Variants in WDFY2 observed in about 807,000 individuals in gnomAD.
WDFY2 encodes the protein WD repeat and FYVE domain containing 2.
A neutral mutation model predicts 56.4 loss-of-function variants in WDFY2; 36 were observed. The ratio of observed to expected loss-of-function variants is 0.64; its 90% CI spans 0.49 to 0.84. The LOEUF (loss-of-function observed/expected upper bound fraction) is 0.84, where lower values mean the gene tolerates loss of function less well. WDFY2 is among the 40% of genes least tolerant of loss of function. The pLI, the probability that WDFY2 is intolerant of heterozygous loss-of-function variation, is 0.00. For synonymous variants in WDFY2, 176 were observed against 183.7 expected (o/e 0.96, Z 0.34); for missense variants, 444 against 512.2 (o/e 0.87, Z 1.29).
intron 1 of WDFY2, among the ~76,000 whole-genome samples, chr13:51,621,089 C>G (rs929865417): frequency 2.0e-5 from 3 of 152,238 alleles, no homozygotes; most frequent in Admixed American, 2.0e-4. Flanking sequence ...GGTAAACTTT[C>G]TGTCCTCTTC....
At chr13:51,719,381 G>A in intron 5 of WDFY2, 33 bp downstream of exon 5, 1 of 1,529,418 alleles carries the variant, frequency 6.5e-7, no homozygotes, top group Non-Finnish European at 8.8e-7. Flanking sequence ...CTCTTAGTGG[G>A]AACTTAACTG....
rs1206118614 is a variant in WDFY2 at position 51,765,447 on chromosome 13, A to AT, written c.*5685dup. On this transcript the variant is annotated 3_prime_UTR_variant, in exon 12 of 12. Transcript: ENST00000298125. ...TTCCTTGCATGTCCCATACCAGGGA[A>AT]TTTTTTTAACACACAGTGTAGAGCC... is the stretch of plus-strand genomic sequence containing the variant. 6.6e-6 allele frequency: 1 copy of AT among 152,162 alleles called. No individual in the cohort carries two copies. Among genetic ancestry groups the AT allele is most frequent in the Non-Finnish European group, 1.5e-5 (1 of 68,026 alleles). The allele number at this position is 152,162 out of a possible 1,614,324, so 9.4% of individuals were successfully genotyped here.
At chr13:51,613,771 C>T (rs998269482) in intron 1 of WDFY2, among the ~76,000 whole-genome samples, 3 of 152,036 alleles carry the variant, frequency 2.0e-5, no homozygotes, top group Non-Finnish European at 4.4e-5. Flanking sequence ...GGTAATTTAA[C>T]ACCAAGTTAG....
chr13:51,619,439 A>G (rs1044007343), intron 1 of WDFY2, among the ~76,000 whole-genome samples: 1 of 152,134 alleles, frequency 6.6e-6, no homozygotes, highest in Non-Finnish European at 1.5e-5. Context: ...TCTCCAAAAA[A>G]AAAAAAACAA....
chr13:51,590,960 G>A (rs1954032514), intron 1 of WDFY2: 3 of 152,122 alleles, frequency 2.0e-5, no homozygotes, highest in Admixed American at 1.3e-4. Flanking sequence ...CTCTTGGCAG[G>A]GAGTGCTACT....
Position 51,761,518 on chromosome 13 carries a change from C to CCCA in WDFY2, c.*1752_*1754dup, listed in dbSNP as rs1953581808. On this transcript the variant is annotated 3_prime_UTR_variant, in exon 12 of 12. Transcript: ENST00000298125. ...ATTGCTTGTCCTTCCCGACCCAAGC[C>CCCA]CCACCCCACAGTGTCTTGCTCTCTT... 6.6e-6 allele frequency: 1 copy of CCCA among 152,178 alleles called. No individual in the cohort carries two copies. Among genetic ancestry groups the CCCA allele is most frequent in the African/African-American group, 2.4e-5 (1 of 41,436 alleles). 9.4% of individuals were successfully genotyped at this position (152,178 alleles called of 1,614,324 possible). A position where few individuals can be genotyped will look rare whatever the true frequency, so the allele number is the denominator to read the frequency against.
At chr13:51,667,980 C>A (rs1033129489) in intron 2 of WDFY2, among the ~76,000 whole-genome samples, 3 of 143,334 alleles carry the variant, frequency 2.1e-5, no homozygotes, top group Non-Finnish European at 4.5e-5. Context: ...CAAGCTCTGC[C>A]TCCAGGGTTC....
At chr13:51,586,816 C>T (rs1193881707) in intron 1 of WDFY2, 3 of 152,032 alleles carry the variant, frequency 2.0e-5, no homozygotes, top group Non-Finnish European at 2.9e-5. Flanking sequence ...AAGGTTCACC[C>T]ATAAGTCTGG....
chr13:51,711,419 A>G (rs1206732092), intron 4 of WDFY2, among the ~76,000 whole-genome samples: 1 of 152,220 alleles, frequency 6.6e-6, no homozygotes, highest in Non-Finnish European at 1.5e-5. Flanking sequence ...CAATGGCAAC[A>G]AAAGCCAAAA....
chr13:51,713,540 G>T (rs1387610247), intron 4 of WDFY2, among the ~76,000 whole-genome samples: 2 of 152,176 alleles, frequency 1.3e-5, no homozygotes, highest in African/African-American at 4.8e-5. Flanking sequence ...ACATGCAAAT[G>T]AACCTTGAAG....
In WDFY2 at chr13:51,762,447, A is replaced by G. The variant is rs2138805360; in HGVS notation, c.*2678A>G. 1.3e-5 allele frequency: 2 copies of G among 152,358 alleles called. No homozygotes were observed. The highest frequency in any genetic ancestry group is 3.4e-3 in the Middle Eastern group (1 of 294). 9.4% of individuals were successfully genotyped at this position (152,358 alleles called of 1,614,324 possible). A position where few individuals can be genotyped will look rare whatever the true frequency, so the allele number is the denominator to read the frequency against. On this transcript the variant is annotated 3_prime_UTR_variant, in exon 12 of 12. Transcript: ENST00000298125. ...GAAAACCAGATATGTCAAGGTATCC[A>G]TTGCTCTTTCCTTTTCTCTCATCTG...
At chr13:51,723,929 T>C (rs909666808) in intron 5 of WDFY2, among the ~76,000 whole-genome samples, 2 of 152,196 alleles carry the variant, frequency 1.3e-5, no homozygotes, top group African/African-American at 4.8e-5. Flanking sequence ...CCTGCCTCAT[T>C]AGCTAGGGCT....
chr13:51,640,013 T>C (rs937228907), intron 1 of WDFY2, among the ~76,000 whole-genome samples: 1 of 152,254 alleles, frequency 6.6e-6, no homozygotes, highest in African/African-American at 2.4e-5. Context: ...TAGCCTCAGC[T>C]GTTCAAATCT....
intron 6 of WDFY2, among the ~76,000 whole-genome samples, chr13:51,730,134 C>T (rs1047220542): frequency 6.6e-6 from 1 of 152,338 alleles, no homozygotes; most frequent in South Asian, 2.1e-4. Context: ...CCTCAAGGTT[C>T]ATCCAAGTTG....
At chr13:51,696,652 C>T (rs926572538) in intron 3 of WDFY2, among the ~76,000 whole-genome samples, 20 of 152,092 alleles carry the variant, frequency 1.3e-4, no homozygotes, top group African/African-American at 3.6e-4. Context: ...GATTTTAATT[C>T]GCACCTCTTG....
chr13:51,761,915 C>G lies in WDFY2; in HGVS notation c.*2146C>G, dbSNP rs1221924620. 6.6e-6 allele frequency: 1 copy of G among 152,238 alleles called. No individual in the cohort carries two copies. 9.4% of individuals were successfully genotyped at this position (152,238 alleles called of 1,614,324 possible). Reference sequence around the variant, plus strand: ...CTGTTAGCACTTGTCGCCTCGCTGCCCTGGTCCAGACTACCCTTGCTTGCG... The same window carrying G: ...CTGTTAGCACTTGTCGCCTCGCTGCGCTGGTCCAGACTACCCTTGCTTGCG... On this transcript the variant is annotated 3_prime_UTR_variant, in exon 12 of 12. Coordinates refer to ENST00000298125, the MANE Select transcript of WDFY2 (RefSeq NM_052950.4).
intron 6 of WDFY2, among the ~76,000 whole-genome samples, chr13:51,733,122 A>G (rs1319378276): frequency 6.6e-6 from 1 of 152,182 alleles, no homozygotes; most frequent in Non-Finnish European, 1.5e-5. Flanking sequence ...TGCAACCTCC[A>G]TCTCTTGGGC....
In WDFY2 at chr13:51,670,488, T is replaced by TGCGC. The variant is rs961360980; in HGVS notation, c.206-4680_206-4679insGCGC. ...GTACGTCTCACCTACTGTGCGCACA[T>TGCGC]GCACACACACACACACACACACACA... is the stretch of plus-strand genomic sequence containing the variant. On this transcript the variant is annotated intron_variant, in intron 2 of 11. Transcript: ENST00000298125. Among the ~76,000 whole-genome samples, 310 of 92,104 alleles carry TGCGC rather than the reference T, an allele frequency of 3.4e-3. 3 individuals are homozygous for TGCGC. The highest frequency in any genetic ancestry group is 0.012 in the African/African-American group (287 of 24,778). The allele number at this position is 92,104 out of a possible 152,430, so 60.4% of individuals were successfully genotyped here.
intron 1 of WDFY2, among the ~76,000 whole-genome samples, chr13:51,635,433 C>T (rs900232731): frequency 1.3e-5 from 2 of 152,228 alleles, no homozygotes; most frequent in African/African-American, 4.8e-5. Context: ...AGCTAATGCA[C>T]TGTGCAAGGT....
Sources: allele counts gnomAD v4.1 joint callset (sites outside exome capture counted in the v4.1 genomes callset), GRCh38; gene constraint gnomAD v4.1.1; transcripts MANE v1.5; gene names NCBI Gene and HGNC (gene_info 2026-07-23, HGNC 2026-07-21).